EPHA6: variants seen among roughly 807,000 people sequenced by gnomAD.
EPHA6 encodes ephrin type-A receptor 6.
A neutral mutation model predicts 112.0 loss-of-function variants in EPHA6; 50 were observed. That is an observed-to-expected ratio of 0.45 (90% CI 0.36 to 0.56). EPHA6 has a LOEUF of 0.56. EPHA6 is among the 20% of genes least tolerant of loss of function. The pLI is 0.00. For missense variants in EPHA6, 1,280 were observed against 1,417.4 expected, an observed-to-expected ratio of 0.90 and a Z score of 1.56; for synonymous variants, 529 against 490.7, an observed-to-expected ratio of 1.08 and a Z score of -1.03.
At chr3:96,957,896 T>C (rs1480729952) in intron 2 of EPHA6, among the ~76,000 whole-genome samples, 1 of 152,182 alleles carries the variant, frequency 6.6e-6, no homozygotes, top group Non-Finnish European at 1.5e-5. Flanking sequence ...TTTCACTACA[T>C]GTGGAAACTG....
chr3:97,333,046 G>A (rs2082875696), intron 5 of EPHA6, among the ~76,000 whole-genome samples: 1 of 151,686 alleles, frequency 6.6e-6, no homozygotes, highest in Non-Finnish European at 1.5e-5. Flanking sequence ...CTTAAATTGG[G>A]GAAAATTAAC....
chr3:97,619,820 T>C (rs186820414), intron 13 of EPHA6, among the ~76,000 whole-genome samples: 17 of 152,220 alleles, frequency 1.1e-4, no homozygotes, highest in Non-Finnish European at 1.9e-4. Context: ...AGAATCAATA[T>C]TGTTAAAGTG....
Position 97,328,011 on chromosome 3 carries a change from ATGTG to A in EPHA6, c.1607-77137_1607-77134del, listed in dbSNP as rs1440056425. On this transcript the variant is annotated intron_variant, in intron 5 of 17. Coordinates refer to ENST00000389672, the MANE Select transcript of EPHA6 (RefSeq NM_001080448.3). ...TATGTATATGTGTATGTATATGTAT[ATGTG>A]TATATATGTATATGTGTATATATAC... 9.6e-4 allele frequency among the ~76,000 whole-genome samples: 129 copies of A among 135,070 alleles called. 3 individuals carry two copies. Among genetic ancestry groups the A allele is most frequent in the African/African-American group, 3.7e-3 (118 of 31,600 alleles). 88.6% of individuals were successfully genotyped at this position (135,070 alleles called of 152,430 possible). A position where few individuals can be genotyped will look rare whatever the true frequency, so the allele number is the denominator to read the frequency against.
intron 10 of EPHA6, among the ~76,000 whole-genome samples, chr3:97,517,758 C>CTGGTA (rs2092470431): frequency 1.3e-5 from 2 of 152,158 alleles, no homozygotes; most frequent in East Asian, 3.9e-4. Flanking sequence ...CCGGTGCCCC[C>CTGGTA]ACCCCACACT....
At chr3:97,573,038 A>G (rs942276634) in intron 11 of EPHA6, among the ~76,000 whole-genome samples, 5 of 152,172 alleles carry the variant, frequency 3.3e-5, no homozygotes, top group Non-Finnish European at 5.9e-5. Flanking sequence ...TATAAAACAT[A>G]TTTTATCACT....
At chr3:97,329,348 G>A (rs566541156) in intron 5 of EPHA6, among the ~76,000 whole-genome samples, 1 of 151,336 alleles carries the variant, frequency 6.6e-6, no homozygotes, top group African/African-American at 2.4e-5. Flanking sequence ...GGGATGGCTG[G>A]GTCAAATGGT....
chr3:96,852,602 C>CA (rs562944142), intron 1 of EPHA6, among the ~76,000 whole-genome samples: 800 of 106,054 alleles, frequency 7.5e-3, no homozygotes, highest in Middle Eastern at 9.2e-3. Flanking sequence ...GTATCTTATC[C>CA]AAAAAAAAAA....
chr3:97,480,208 C>CT lies in EPHA6; in HGVS notation c.2074+852dup, dbSNP rs1036277539. ...TTTTTTAAGTATAATTAGAATTTTT[C>CT]TTTTTTTTCTTTCTTTTTATTTATT... On this transcript the variant is annotated intron_variant, in intron 9 of 17. Coordinates refer to ENST00000389672, the MANE Select transcript of EPHA6 (RefSeq NM_001080448.3). Among the ~76,000 whole-genome samples, 16 of 150,226 alleles carry CT rather than the reference C, an allele frequency of 1.1e-4. No individual in the cohort carries two copies. In the South Asian group the frequency reaches 1.1e-3, roughly 10 times the overall value.
At chr3:97,085,226 T>C (rs1439051907) in intron 3 of EPHA6, among the ~76,000 whole-genome samples, 1 of 152,140 alleles carries the variant, frequency 6.6e-6, no homozygotes, top group Non-Finnish European at 1.5e-5. Context: ...TGCACAGTCA[T>C]AATACAAAAC....
intron 5 of EPHA6, among the ~76,000 whole-genome samples, chr3:97,356,487 G>A (rs897510868): frequency 6.6e-6 from 1 of 152,082 alleles, no homozygotes; most frequent in African/African-American, 2.4e-5. Context: ...ATAAGTTTTG[G>A]TATGTTGTAT....
intron 7 of EPHA6, among the ~76,000 whole-genome samples, chr3:97,449,708 A>C: frequency 6.6e-6 from 1 of 152,104 alleles, no homozygotes; most frequent in East Asian, 1.9e-4. Context: ...TAAGAAGCTA[A>C]GCTAAAATTT....
At chr3:97,031,545 C>T (rs937809872) in intron 3 of EPHA6, among the ~76,000 whole-genome samples, 23 of 152,052 alleles carry the variant, frequency 1.5e-4, no homozygotes, top group Non-Finnish European at 1.6e-4. Context: ...GCAACCTACT[C>T]ATCTGACAAA....
chr3:96,935,539 T>G (rs931646650), intron 2 of EPHA6, among the ~76,000 whole-genome samples: 88 of 150,084 alleles, frequency 5.9e-4, no homozygotes, highest in African/African-American at 2.0e-3. Context: ...ATATTATATT[T>G]AAACATTTTT....
At chr3:97,090,293 T>A (rs760401812) in intron 3 of EPHA6, among the ~76,000 whole-genome samples, 7 of 152,068 alleles carry the variant, frequency 4.6e-5, no homozygotes, top group African/African-American at 1.7e-4. Context: ...CTGGCAACCC[T>A]TTGAAATTAA....
At chr3:96,938,353 T>A (rs2040723672) in intron 2 of EPHA6, among the ~76,000 whole-genome samples, 1 of 151,340 alleles carries the variant, frequency 6.6e-6, no homozygotes, top group Non-Finnish European at 1.5e-5. Flanking sequence ...CCTAGGTATT[T>A]TATTCTCTTT....
chr3:97,391,358 C>T (rs571969527), intron 5 of EPHA6, among the ~76,000 whole-genome samples: 149 of 151,884 alleles, frequency 9.8e-4, no homozygotes, highest in African/African-American at 3.3e-3. Context: ...TACTAGGTCC[C>T]GTGGGCGGTT....
At chr3:97,517,376 A>G (rs1029948004) in intron 10 of EPHA6, among the ~76,000 whole-genome samples, 1 of 152,224 alleles carries the variant, frequency 6.6e-6, no homozygotes, top group African/African-American at 2.4e-5. Flanking sequence ...GGGACCAAAG[A>G]AGCAGGGGTT....
At chr3:96,827,471 ATATGT>A (rs1425075338) in intron 1 of EPHA6, among the ~76,000 whole-genome samples, 1 of 152,060 alleles carries the variant, frequency 6.6e-6, no homozygotes, top group South Asian at 2.1e-4. Flanking sequence ...CATTTTCTAG[ATATGT>A]TATGGCTTCA....
At position 97,750,127 on chromosome 3, in the gene EPHA6, G is replaced by A. The variant is rs559301249; in HGVS notation, c.*1426G>A. 6.6e-6 allele frequency among the ~76,000 whole-genome samples: 1 copy of A among 151,956 alleles called. No homozygotes were observed. Among genetic ancestry groups the A allele is most frequent in the Non-Finnish European group, 1.5e-5 (1 of 68,008 alleles). On this transcript the variant is annotated 3_prime_UTR_variant, in exon 18 of 18. Coordinates refer to ENST00000389672, the MANE Select transcript of EPHA6 (RefSeq NM_001080448.3). ...CTCCCTGTAAAACTAAAAAAATGAC[G>A]ACTGTTTTAGGTGAAAGAGTAAGTA...
Sources: allele counts gnomAD v4.1 joint callset (sites outside exome capture counted in the v4.1 genomes callset), GRCh38; gene constraint gnomAD v4.1.1; transcripts MANE v1.5; gene names NCBI Gene and HGNC (gene_info 2026-07-23, HGNC 2026-07-21).